Variants in NXPH1 observed in about 807,000 individuals in gnomAD.
The protein encoded by NXPH1 is neurexophilin-1.
Under a neutral mutation model 23.7 loss-of-function variants are expected in NXPH1, and 5 were observed. The ratio of observed to expected loss-of-function variants is 0.21; its 90% CI spans 0.11 to 0.44. The LOEUF (loss-of-function observed/expected upper bound fraction) is 0.44. NXPH1 is among the 20% of genes least tolerant of loss of function. NXPH1 has a pLI of 0.99. For missense variants in NXPH1, 324 were observed against 321.6 expected (o/e 1.01, Z -0.06); for synonymous variants, 144 against 122.2 (o/e 1.18, Z -1.18).
intron 2 of NXPH1, among the ~76,000 whole-genome samples, chr7:8,705,799 A>G (rs903831648): frequency 6.6e-6 from 1 of 152,144 alleles, no homozygotes; most frequent in African/African-American, 2.4e-5. Context: ...GTCTTACCTC[A>G]GGGCTATGTC....
At chr7:8,537,692 A>G (rs1818049769) in intron 2 of NXPH1, among the ~76,000 whole-genome samples, 1 of 151,942 alleles carries the variant, frequency 6.6e-6, no homozygotes, top group South Asian at 2.1e-4. Context: ...ACATTTGTGT[A>G]CTAGCTGTGT....
At position 8,433,627 on chromosome 7, in the gene NXPH1, G is replaced by C. The variant is rs1167740199; in HGVS notation, c.-1239G>C. Among the ~76,000 whole-genome samples the C allele has an allele frequency of 6.6e-6, 1 of 152,132 alleles. No homozygotes were observed. Among genetic ancestry groups the C allele is most frequent in the Non-Finnish European group, 1.5e-5 (1 of 68,016 alleles). ...GTCGCCCAGTCCTCTCGGCTGTCTCGAGCTGAATGGCTGGCAGTCTGCGGC... is the reference window on the plus strand; with the variant it reads ...GTCGCCCAGTCCTCTCGGCTGTCTCCAGCTGAATGGCTGGCAGTCTGCGGC... On this transcript the variant is annotated 5_prime_UTR_variant, in exon 1 of 3. Coordinates refer to ENST00000405863, the MANE Select transcript of NXPH1 (RefSeq NM_152745.3). The surrounding 1 kb of genome is among the most constrained non-coding windows in gnomAD (Gnocchi z 6.8).
At chr7:8,562,203 A>G (rs1267731386) in intron 2 of NXPH1, among the ~76,000 whole-genome samples, 1 of 151,656 alleles carries the variant, frequency 6.6e-6, no homozygotes, top group African/African-American at 2.4e-5. Flanking sequence ...ATTTTTAACC[A>G]TTATACGTCA....
chr7:8,649,512 C>T (rs1820455709), intron 2 of NXPH1, among the ~76,000 whole-genome samples: 1 of 152,072 alleles, frequency 6.6e-6, no homozygotes, highest in Non-Finnish European at 1.5e-5. Flanking sequence ...CAAAATATTT[C>T]CTTAGTATTT....
At chr7:8,744,810 T>G (rs1557876) in intron 2 of NXPH1, among the ~76,000 whole-genome samples, 101,033 of 152,164 alleles carry the variant, frequency 0.66, 34,945 homozygotes, top group African/African-American at 0.86. Context: ...TCATCAAGCT[T>G]AGTTAATCCT....
chr7:8,642,967 C>T (rs974157123), intron 2 of NXPH1, among the ~76,000 whole-genome samples: 2 of 151,980 alleles, frequency 1.3e-5, no homozygotes, highest in Non-Finnish European at 2.9e-5. Flanking sequence ...TGGGTTCAAG[C>T]GATTCTCCTG....
At chr7:8,542,585 C>G (rs1185537448) in intron 2 of NXPH1, among the ~76,000 whole-genome samples, 1 of 151,610 alleles carries the variant, frequency 6.6e-6, no homozygotes, top group Non-Finnish European at 1.5e-5. Context: ...ATGAAACAGT[C>G]TCAGTAAATT....
At chr7:8,600,586 G>A (rs1819336571) in intron 2 of NXPH1, among the ~76,000 whole-genome samples, 1 of 152,204 alleles carries the variant, frequency 6.6e-6, no homozygotes, top group African/African-American at 2.4e-5. Context: ...GTTTGGGAGA[G>A]ATCAGACGTA....
intron 2 of NXPH1, among the ~76,000 whole-genome samples, chr7:8,597,900 A>G (rs985301312): frequency 2.0e-5 from 3 of 152,120 alleles, no homozygotes; most frequent in African/African-American, 7.2e-5. Context: ...CAAATCAGTC[A>G]ATTCCTGGAT....
chr7:8,541,245 G>T (rs1261827288), intron 2 of NXPH1, among the ~76,000 whole-genome samples: 1 of 151,558 alleles, frequency 6.6e-6, no homozygotes, highest in Non-Finnish European at 1.5e-5. Context: ...TTAAACTCTG[G>T]AAAAGATGAA....
At position 8,631,117 on chromosome 7, in the gene NXPH1, T is replaced by C. The variant is rs190756500; in HGVS notation, c.55-119891T>C. 1.9e-3 allele frequency among the ~76,000 whole-genome samples: 284 copies of C among 152,348 alleles called. 2 individuals are homozygous for C. The highest frequency in any genetic ancestry group is 6.4e-3 in the African/African-American group (268 of 41,588). ...CAAAGGACATGACCTCATTCTTCTTTTATGGCTGCATAGTATTCTATGGTT... is the reference window on the plus strand; with the variant it reads ...CAAAGGACATGACCTCATTCTTCTTCTATGGCTGCATAGTATTCTATGGTT... On this transcript the variant is annotated intron_variant, in intron 2 of 2. Transcript: ENST00000405863.
At chr7:8,699,701 A>T (rs1779591494) in intron 2 of NXPH1, among the ~76,000 whole-genome samples, 1 of 152,164 alleles carries the variant, frequency 6.6e-6, no homozygotes, top group Non-Finnish European at 1.5e-5. Context: ...AATACAAGTT[A>T]AAATAATCTG....
rs189857155 is a variant in NXPH1, at chr7:8,693,920, A to G, written c.55-57088A>G. Among the ~76,000 whole-genome samples, 354 of 152,306 alleles carry G rather than the reference A, an allele frequency of 2.3e-3. 2 individuals carry two copies. The highest frequency in any genetic ancestry group is 0.02 in the Middle Eastern group (6 of 294). ...CCCAGTTTGGACAACAAATTATGTC[A>G]TCACCCCACTTATGGTTTCTATTAC... On this transcript the variant is annotated intron_variant, in intron 2 of 2. Transcript: ENST00000405863.
At chr7:8,728,981 G>C (rs1423094932) in intron 2 of NXPH1, among the ~76,000 whole-genome samples, 9 of 142,584 alleles carry the variant, frequency 6.3e-5, no homozygotes, top group African/African-American at 2.4e-4. Flanking sequence ...GACTCTTTTT[G>C]GTTGGTAAGC....
intron 2 of NXPH1, among the ~76,000 whole-genome samples, chr7:8,485,397 C>T (rs1817142640): frequency 6.6e-6 from 1 of 152,120 alleles, no homozygotes; most frequent in Non-Finnish European, 1.5e-5. Context: ...CAGACTAATA[C>T]ACCAAGCCGA....
chr7:8,505,877 AATTAAAAGTGT>A (rs1817514123), intron 2 of NXPH1, among the ~76,000 whole-genome samples: 1 of 152,118 alleles, frequency 6.6e-6, no homozygotes, highest in Non-Finnish European at 1.5e-5. Context: ...TTCCCATGCA[AATTAAAAGTGT>A]ACATTTCTGG....
intron 2 of NXPH1, among the ~76,000 whole-genome samples, chr7:8,594,589 A>C (rs1352488332): frequency 6.6e-6 from 1 of 151,978 alleles, no homozygotes; most frequent in Non-Finnish European, 1.5e-5. Context: ...AAATTAAGTG[A>C]GGAGGTTCTG....
At chr7:8,624,481 A>G (rs1399897181) in intron 2 of NXPH1, among the ~76,000 whole-genome samples, 2 of 152,134 alleles carry the variant, frequency 1.3e-5, no homozygotes, top group Non-Finnish European at 2.9e-5. Context: ...AAACTGAGAA[A>G]AACCCTAAGA....
At chr7:8,527,194 G>A (rs1013381821) in intron 2 of NXPH1, among the ~76,000 whole-genome samples, 3 of 152,168 alleles carry the variant, frequency 2.0e-5, no homozygotes, top group African/African-American at 7.2e-5. Flanking sequence ...TTGAGTGGCC[G>A]CTTCCTATTA....
Sources: gnomAD v4.1 joint callset for allele counts (sites outside exome capture counted in the v4.1 genomes callset) on GRCh38, gnomAD v4.1.1 for gene constraint, Gnocchi (gnomAD v3.1) non-coding constraint, MANE v1.5 for transcripts, NCBI Gene and HGNC (gene_info 2026-07-23, HGNC 2026-07-21) for gene names.